ACP6: variants seen among roughly 807,000 people sequenced by gnomAD.
ACP6 encodes the protein acid phosphatase 6, lysophosphatidic.
Under a neutral mutation model 48.1 loss-of-function variants are expected in ACP6, and 48 were observed. The ratio of observed to expected loss-of-function variants is 1.00; its 90% confidence interval spans 0.79 to 1.27. ACP6 has a LOEUF of 1.27. Ranked by LOEUF, ACP6 falls within the 50% of genes most tolerant of loss-of-function variation. ACP6 has a pLI of 0.00. For synonymous variants in ACP6, 172 were observed against 204.2 expected, an observed-to-expected ratio of 0.84 and a Z score of 1.34; for missense variants, 485 against 529.1, an observed-to-expected ratio of 0.92 and a Z score of 0.82.
downstream of ACP6, chr1:147,642,096 C>T (rs1553208810): frequency 6.6e-6 from 1 of 152,158 alleles, no homozygotes; most frequent in Non-Finnish European, 1.5e-5. Context: ...CCCGTCCAAG[C>T]GTTGCAAGGA....
In ACP6 at chr1:147,648,366, G is replaced by C; in HGVS notation, c.1023C>G (p.Leu341=). 1 of 1,614,194 alleles carries C rather than the reference G, an allele frequency of 6.2e-7. No individual in the cohort carries two copies. Among genetic ancestry groups the C allele is most frequent in the South Asian group, 1.1e-5 (1 of 91,090 alleles). ...YAAHDVTFIP[L]LMTLGIFDHK... is the part of the protein sequence containing the mutation. ...GGTCAAAAATCCCCAGGGTCATTAA[G>C]AGCGGTATGAAGGTCACATCATGAG... The change falls in exon 9 of 10, where the codon CTC becomes CTG. Residue 341 remains leucine, a synonymous_variant. Coordinates refer to ENST00000583509, the MANE Select transcript of ACP6 (RefSeq NM_016361.5).
rs181694120 is a variant in ACP6, at chr1:147,644,578, T to C, written c.*2845A>G. 5 of 152,372 alleles carry C rather than the reference T, an allele frequency of 3.3e-5. No homozygotes were observed. In the East Asian group the frequency reaches 9.6e-4, roughly 29 times the overall value. 9.4% of individuals were successfully genotyped at this position (152,372 alleles called of 1,614,324 possible). On this transcript the variant is annotated 3_prime_UTR_variant, in exon 10 of 10. Transcript: ENST00000583509. The stretch of plus-strand genomic sequence containing the variant: ...CCTTTACAATAATCCAGGTAAAAGA[T>C]GACACTGGGACTAAGACAGTAGCAA...
At chr1:147,647,771 T>A in intron 9 of ACP6, 1 of 684,234 alleles carries the variant, frequency 1.5e-6, no homozygotes, top group Non-Finnish European at 2.4e-6. Flanking sequence ...AGTGTTGAAT[T>A]GACTGGGAAG....
At chr1:147,661,662 G>A (rs1660551411) in intron 1 of ACP6, among the ~76,000 whole-genome samples, 1 of 152,170 alleles carries the variant, frequency 6.6e-6, no homozygotes, top group African/African-American at 2.4e-5. Flanking sequence ...AGTAAGGAAG[G>A]CATGTAGAAA....
At chr1:147,641,849 C>T (rs1189033357), downstream of ACP6, among the ~76,000 whole-genome samples, 2 of 152,180 alleles carry the variant, frequency 1.3e-5, no homozygotes, top group Non-Finnish European at 2.9e-5. Context: ...CACAGTGCCC[C>T]GGGAAGGGCA....
At chr1:147,669,714 C>A (rs1377076479) in intron 1 of ACP6, 116 bp downstream of exon 1, 4 of 1,150,438 alleles carry the variant, frequency 3.5e-6, no homozygotes, top group Non-Finnish European at 4.8e-6. Flanking sequence ...TTCTTCTGGA[C>A]CCAACCCGAG....
intron 5 of ACP6, 115 bp downstream of exon 5, chr1:147,655,046 C>T: frequency 1.3e-6 from 1 of 769,588 alleles, no homozygotes; most frequent in East Asian, 2.8e-5. Context: ...ACCTTCCCAT[C>T]CATTATTCGC....
At chr1:147,632,326 C>A (rs587604048) in intron 5 of ACP6, among the ~76,000 whole-genome samples, 1 of 152,198 alleles carries the variant, frequency 6.6e-6, no homozygotes, top group South Asian at 2.1e-4. Flanking sequence ...TTGCTCATCA[C>A]TTGTTCACCA....
chr1:147,649,592 G>A (rs587620807), intron 8 of ACP6, among the ~76,000 whole-genome samples: 5 of 152,100 alleles, frequency 3.3e-5, no homozygotes, highest in Admixed American at 6.5e-5. Context: ...CTAAAGGTGC[G>A]TGCCACCATG....
At chr1:147,650,080 T>C (rs1659837103) in intron 8 of ACP6, 63 bp downstream of exon 8, 1 of 1,472,714 alleles carries the variant, frequency 6.8e-7, no homozygotes, top group African/African-American at 1.4e-5. Context: ...TTGGGTTCCC[T>C]CCCTACAGCC....
intron 7 of ACP6, chr1:147,650,736 CAGA>C (rs1374003766): frequency 6.6e-6 from 1 of 152,378 alleles, no homozygotes; most frequent in Non-Finnish European, 1.5e-5. Context: ...ATTTATTTTA[CAGA>C]AGAAGTTCAG....
rs1052385400 is a variant in ACP6 at position 147,636,768 on chromosome 1, T to C, written c.461-5703A>G. ...AAAAGATATGAAATGGCTGCTCTGGTAAATTAGAAAGCTCACAAGATACAC... is the reference window on the plus strand; with the variant it reads ...AAAAGATATGAAATGGCTGCTCTGGCAAATTAGAAAGCTCACAAGATACAC... On this transcript the variant is annotated intron_variant, in intron 5 of 5. Transcript: ENST00000609196. Among the ~76,000 whole-genome samples the C allele has an allele frequency of 3.9e-5, 6 of 152,292 alleles. No individual in the cohort carries two copies. In the East Asian group the frequency reaches 1.2e-3, roughly 29 times the overall value.
At position 147,644,158 on chromosome 1, in the gene ACP6, T is replaced by A. The variant is rs1659540504; in HGVS notation, c.*3265A>T. ...CACCTGAAAACTACTAAAGAGTATA[T>A]CTGAAACATTTTCACCACAAGAAAG... On this transcript the variant is annotated 3_prime_UTR_variant, in exon 10 of 10. Transcript: ENST00000583509. 6.6e-6 allele frequency: 1 copy of A among 152,124 alleles called. No individual in the cohort carries two copies. The highest frequency in any genetic ancestry group is 2.4e-5 in the African/African-American group (1 of 41,416). 9.4% of individuals were successfully genotyped at this position (152,124 alleles called of 1,614,324 possible).
chr1:147,665,553 GT>G (rs1272436592), intron 1 of ACP6, among the ~76,000 whole-genome samples: 2 of 152,214 alleles, frequency 1.3e-5, no homozygotes, highest in Non-Finnish European at 2.9e-5. Context: ...CCTCCTTTGT[GT>G]TCCCAGTGCT....
intron 1 of ACP6, among the ~76,000 whole-genome samples, chr1:147,664,020 G>A (rs1043735320): frequency 2.6e-5 from 4 of 151,956 alleles, no homozygotes; most frequent in South Asian, 2.1e-4. Flanking sequence ...TACCCTCCCC[G>A]AACTATCCCA....
In ACP6 at chr1:147,652,011, TA is replaced by T. The variant is rs1400371710; in HGVS notation, c.881+437del. The T allele has an allele frequency of 1.9e-5, 3 of 155,662 alleles. No individual in the cohort carries two copies. The East Asian group carries it at 5.7e-4, about 30-fold the overall frequency. The allele number at this position is 155,662 out of a possible 1,614,324, so 9.6% of individuals were successfully genotyped here. On this transcript the variant is annotated intron_variant, in intron 7 of 9. Coordinates refer to ENST00000583509, the MANE Select transcript of ACP6 (RefSeq NM_016361.5). The stretch of plus-strand genomic sequence containing the variant: ...ACTTGCTAGCTGGGCCTAGACCAGG[TA>T]GGCAATATCTCCCAGCCTCAGTTTC...
intron 5 of ACP6, among the ~76,000 whole-genome samples, chr1:147,636,695 G>A (rs782551416): frequency 2.4e-4 from 36 of 152,224 alleles, no homozygotes; most frequent in Non-Finnish European, 4.7e-4. Context: ...TGTATGCCTA[G>A]TATGAGTTAT....
intron 7 of ACP6, chr1:147,650,572 C>T (rs1553210362): frequency 4.3e-6 from 1 of 232,692 alleles, no homozygotes; most frequent in East Asian, 8.8e-5. Context: ...AGCTGACAAG[C>T]TGGGAAGAAG....
intron 5 of ACP6, among the ~76,000 whole-genome samples, chr1:147,636,491 A>T (rs906462752): frequency 6.6e-6 from 1 of 152,182 alleles, no homozygotes; most frequent in Non-Finnish European, 1.5e-5. Context: ...GATAAAGCAA[A>T]GAGACAAAGG....
Sources: allele counts gnomAD v4.1 joint callset (sites outside exome capture counted in the v4.1 genomes callset), GRCh38; gene constraint gnomAD v4.1.1; transcripts MANE v1.5; gene names NCBI Gene and HGNC (gene_info 2026-07-23, HGNC 2026-07-21).